Variants in KPNA7 observed in about 807,000 individuals in gnomAD.
KPNA7 encodes the protein importin subunit alpha-8.
In KPNA7, 54 loss-of-function variants were observed where a neutral mutation model predicts 53.7. That is an observed-to-expected ratio of 1.01 (90% CI 0.81 to 1.26). The LOEUF is 1.26. Ranked by LOEUF, KPNA7 falls within the 50% of genes most tolerant of loss-of-function variation. The pLI is 0.00. For missense variants in KPNA7, 640 were observed against 644.5 expected (o/e 0.99, Z 0.07); for synonymous variants, 276 against 259.3 (o/e 1.06, Z -0.62).
chr7:99,206,495 G>T (rs981055279), intron 2 of KPNA7, among the ~76,000 whole-genome samples: 1 of 151,566 alleles, frequency 6.6e-6, no homozygotes, highest in African/African-American at 2.4e-5. Context: ...TAGAGACAGG[G>T]TCTGGCTCTG....
chr7:99,216,935 G>T (rs551769236), intron 1 of KPNA7, among the ~76,000 whole-genome samples: 1 of 152,224 alleles, frequency 6.6e-6, no homozygotes, highest in South Asian at 2.1e-4. Flanking sequence ...GTATTGAGTC[G>T]CTTCCTCTGG....
In KPNA7 at chr7:99,173,754, T is replaced by G. The variant is rs767922702; in HGVS notation, c.1505A>C (p.Asp502Ala). 1 of 1,551,764 alleles carries G rather than the reference T, an allele frequency of 6.4e-7. No individual in the cohort carries two copies. The highest frequency in any genetic ancestry group is 1.2e-5 in the South Asian group (1 of 84,010). ...ESQTLLSQVI[D>A]QDYEFIDYEC... ...ATAATCTATAAATTCATAATCTTGG[T>G]CTATGACTTGGCTCAGTAAAGTTTG... Residue 502 changes from aspartate (D) to alanine (A), a missense_variant, in exon 11 of 11, where the codon GAC becomes GCC. Asp to Ala is a moderately radical substitution (Grantham distance 126). Coordinates refer to ENST00000327442, the MANE Select transcript of KPNA7 (RefSeq NM_001145715.3).
rs376797396 is a variant in KPNA7 at position 99,196,095 on chromosome 7, G to T, written c.273C>A (p.Thr91=). The change falls in exon 4 of 11, where the codon ACC becomes ACA. Residue 91 remains threonine, a synonymous_variant. Transcript: ENST00000327442. ...CTGTTTGGAGATACCTGGCTGTCTGGGTGGCCTGGAAACATAGGACTGGAT... is the reference window on the plus strand; with the variant it reads ...CTGTTTGGAGATACCTGGCTGTCTGTGTGGCCTGGAAACATAGGACTGGAT... ...SSDPVLCFQA[T]QTARKMLSQE... 34 of 1,551,568 alleles carry T rather than the reference G, an allele frequency of 2.2e-5. No homozygotes were observed. The African/African-American group carries it at 3.8e-4, about 17-fold the overall frequency.
At chr7:99,215,039 G>A (rs1791179725) in intron 1 of KPNA7, among the ~76,000 whole-genome samples, 1 of 151,994 alleles carries the variant, frequency 6.6e-6, no homozygotes, top group Non-Finnish European at 1.5e-5. Flanking sequence ...TAAGACCATT[G>A]CCAAGGGAAC....
chr7:99,176,139 G>A (rs1798890218), intron 10 of KPNA7, among the ~76,000 whole-genome samples: 1 of 151,284 alleles, frequency 6.6e-6, no homozygotes, highest in South Asian at 2.1e-4. Flanking sequence ...TCTACTAAAA[G>A]TACAAAAAAT....
At chr7:99,165,920 T>C in the KPNA7 span, among the ~76,000 whole-genome samples, 1 of 151,924 alleles carries the variant, frequency 6.6e-6, no homozygotes. Flanking sequence ...TGGTAGGAGG[T>C]GATTGGATCA....
At position 99,182,080 on chromosome 7, in the gene KPNA7, T is replaced by A. The variant is rs1429261369; in HGVS notation, c.1135-15A>T. ...TTAAATTCTCCCTGCAGAACAAGAA[T>A]GTTTCCATTCTCTACAGATCCTCAA... is the stretch of plus-strand genomic sequence containing the variant. On this transcript the variant is annotated splice_polypyrimidine_tract_variant and intron_variant, in intron 8 of 10. Transcript: ENST00000327442. 6 of 1,518,328 alleles carry A rather than the reference T, an allele frequency of 4.0e-6. No individual in the cohort carries two copies. In the Admixed American group the frequency reaches 1.3e-4, roughly 32 times the overall value. 94.1% of individuals were successfully genotyped at this position (1,518,328 alleles called of 1,614,324 possible).
At chr7:99,172,443 G>A (rs188546426), downstream of KPNA7, among the ~76,000 whole-genome samples, 17 of 152,210 alleles carry the variant, frequency 1.1e-4, no homozygotes, top group African/African-American at 2.6e-4. Context: ...GGCCAGGTGC[G>A]GTTGCTTATG....
chr7:99,209,597 C>T (rs759572577), upstream of KPNA7, among the ~76,000 whole-genome samples: 3 of 136,006 alleles, frequency 2.2e-5, no homozygotes, highest in South Asian at 2.4e-4. Context: ...ACAGGAGAAT[C>T]GCTTGAACCC....
chr7:99,165,498 G>A, the KPNA7 span, among the ~76,000 whole-genome samples: 1 of 152,136 alleles, frequency 6.6e-6, no homozygotes, highest in Non-Finnish European at 1.5e-5. Flanking sequence ...ACTGCAGAAG[G>A]AGATGAAGAT....
chr7:99,218,111 T>C (rs915663869), intron 1 of KPNA7, among the ~76,000 whole-genome samples: 1 of 152,152 alleles, frequency 6.6e-6, no homozygotes, highest in Admixed American at 6.6e-5. Context: ...GCAATCCTCC[T>C]GCCTCAGCCT....
chr7:99,197,387 A>G (rs968463494), intron 3 of KPNA7, among the ~76,000 whole-genome samples: 1 of 152,236 alleles, frequency 6.6e-6, no homozygotes, highest in African/African-American at 2.4e-5. Context: ...TCTGATTTCT[A>G]GAGTTGTCAC....
the KPNA7 span, among the ~76,000 whole-genome samples, chr7:99,146,710 TTAAAAAAAAAAAAAAAAA>T: frequency 1.3e-5 from 1 of 74,266 alleles, no homozygotes. Context: ...AGACTGTGTC[TTAAAAAAAAAAAAAAAAA>T]AAAAAAAAAA....
chr7:99,145,970 A>G, the KPNA7 span, among the ~76,000 whole-genome samples: 1 of 152,198 alleles, frequency 6.6e-6, no homozygotes, highest in African/African-American at 2.4e-5. Flanking sequence ...AAGCAATAGC[A>G]GTAGAGCCAC....
At chr7:99,152,363 AAAAAAG>A in the KPNA7 span, among the ~76,000 whole-genome samples, 1 of 151,712 alleles carries the variant, frequency 6.6e-6, no homozygotes, top group Non-Finnish European at 1.5e-5. Flanking sequence ...GTCTCAAAAA[AAAAAAG>A]AAAAAGAAAA....
At chr7:99,154,181 T>C in the KPNA7 span, among the ~76,000 whole-genome samples, 1 of 150,338 alleles carries the variant, frequency 6.7e-6, no homozygotes, top group African/African-American at 2.5e-5. Context: ...CAGGCTGGAG[T>C]GCAGTGGCAT....
chr7:99,165,895 G>A, the KPNA7 span, among the ~76,000 whole-genome samples: 16 of 152,256 alleles, frequency 1.1e-4, no homozygotes, highest in East Asian at 1.9e-4. Flanking sequence ...AATCCCCAAC[G>A]TTGGGGGTGG....
intron 1 of KPNA7, among the ~76,000 whole-genome samples, chr7:99,218,197 C>T (rs1280397840): frequency 2.0e-5 from 3 of 152,142 alleles, no homozygotes; most frequent in Admixed American, 6.6e-5. Flanking sequence ...GACTGGGCCT[C>T]GCTATGTTGC....
At chr7:99,170,630 C>G (rs1798755234), downstream of KPNA7, among the ~76,000 whole-genome samples, 1 of 152,218 alleles carries the variant, frequency 6.6e-6, no homozygotes, top group South Asian at 2.1e-4. Flanking sequence ...GCGTGAGCCA[C>G]TGTTCCAAGC....
Sources: gnomAD v4.1 joint callset for allele counts (sites outside exome capture counted in the v4.1 genomes callset) on GRCh38, gnomAD v4.1.1 for gene constraint, MANE v1.5 for transcripts, NCBI Gene and HGNC (gene_info 2026-07-23, HGNC 2026-07-21) for gene names.